The following GPD2 variants were observed in gnomAD, a reference collection of about 807,000 sequenced individuals.
GPD2 encodes glycerol-3-phosphate dehydrogenase 2.
Under a neutral mutation model 82.4 loss-of-function variants are expected in GPD2, and 54 were observed. The ratio of observed to expected loss-of-function variants is 0.66; its 90% CI spans 0.53 to 0.82. The LOEUF is 0.82. GPD2 is among the 40% of genes least tolerant of loss of function. GPD2 has a pLI of 0.00. For missense variants in GPD2, 748 were observed against 896.2 expected, an observed-to-expected ratio of 0.83 and a Z score of 2.11; for synonymous variants, 288 against 306.1, an observed-to-expected ratio of 0.94 and a Z score of 0.62.
chr2:156,499,648 T>TCTTTCAAATAGTAGTGTG (rs1558929777), intron 3 of GPD2, among the ~76,000 whole-genome samples: 9 of 152,018 alleles, frequency 5.9e-5, no homozygotes, highest in African/African-American at 1.9e-4. Context: ...TGCAGTGTGT[T>TCTTTCAAATAGTAGTGTG]TCTTTCAAAT....
At chr2:156,444,744 C>G (rs1407484606) in intron 1 of GPD2, among the ~76,000 whole-genome samples, 1 of 148,572 alleles carries the variant, frequency 6.7e-6, no homozygotes, top group African/African-American at 2.5e-5. Flanking sequence ...CACACACTAA[C>G]ATAATTTTAT....
intron 1 of GPD2, among the ~76,000 whole-genome samples, chr2:156,444,041 G>T (rs1040191476): frequency 2.6e-5 from 4 of 152,180 alleles, no homozygotes; most frequent in African/African-American, 9.7e-5. Context: ...TCACTGTCTG[G>T]ACCTTTCACT....
In GPD2 at chr2:156,519,708, G is replaced by A. The variant is rs530262868; in HGVS notation, c.661+6212G>A. Among the ~76,000 whole-genome samples, 6 of 152,354 alleles carry A rather than the reference G, an allele frequency of 3.9e-5. No homozygotes were observed. In the South Asian group the frequency reaches 1.0e-3, roughly 26 times the overall value. On this transcript the variant is annotated intron_variant, in intron 6 of 16. Transcript: ENST00000438166. ...GATAGGAGAGTTGCCTGGACCCTTC[G>A]TGGGACTTGCGACAGGGGTGTGGCT...
the GPD2 span, among the ~76,000 whole-genome samples, chr2:156,429,932 C>T: frequency 1.2e-4 from 18 of 152,226 alleles, 1 homozygote; most frequent in Middle Eastern, 3.4e-3. Context: ...TTTAGATACT[C>T]TATATTAGTT....
intron 2 of GPD2, among the ~76,000 whole-genome samples, chr2:156,478,871 G>A (rs1318670004): frequency 1.3e-5 from 2 of 152,056 alleles, no homozygotes; most frequent in Non-Finnish European, 2.9e-5. Flanking sequence ...ATAAACTGCC[G>A]TTTATTAAGA....
rs114608907 is a variant in GPD2 at position 156,504,777 on chromosome 2, G to A, written c.275-6019G>A. Reference sequence around the variant, plus strand: ...TTATAGAAAAATATTTATTGACATGGGTAAGTGTTTACAATAAACAGTGTT... The same window carrying A: ...TTATAGAAAAATATTTATTGACATGAGTAAGTGTTTACAATAAACAGTGTT... On this transcript the variant is annotated intron_variant, in intron 3 of 16. Coordinates refer to ENST00000438166, the MANE Select transcript of GPD2 (RefSeq NM_000408.5). Among the ~76,000 whole-genome samples the A allele has an allele frequency of 8.9e-3, 1,348 of 151,302 alleles. 27 individuals are homozygous for A. The highest frequency in any genetic ancestry group is 0.031 in the African/African-American group (1,263 of 41,322).
intron 6 of GPD2, among the ~76,000 whole-genome samples, chr2:156,516,412 G>A (rs374510756): frequency 5.3e-5 from 8 of 152,168 alleles, no homozygotes; most frequent in African/African-American, 9.7e-5. Context: ...AGAAAGTGGC[G>A]TAAGTAATCA....
At chr2:156,562,598 T>C (rs1242462154) in intron 9 of GPD2, among the ~76,000 whole-genome samples, 1 of 152,058 alleles carries the variant, frequency 6.6e-6, no homozygotes, top group Non-Finnish European at 1.5e-5. Context: ...CCAAAACATA[T>C]GCCTAAATAA....
At chr2:156,474,499 A>G (rs945094762) in intron 1 of GPD2, among the ~76,000 whole-genome samples, 67 of 152,188 alleles carry the variant, frequency 4.4e-4, no homozygotes, top group African/African-American at 1.3e-3. Context: ...CCAGTGCTCC[A>G]CCCCTACAAG....
chr2:156,402,574 C>T, the GPD2 span, among the ~76,000 whole-genome samples: 2 of 152,126 alleles, frequency 1.3e-5, no homozygotes, highest in African/African-American at 4.8e-5. Context: ...TCCAGAGGTG[C>T]TTCAGGGCCA....
At chr2:156,500,331 T>C (rs963371810) in intron 3 of GPD2, among the ~76,000 whole-genome samples, 4 of 152,160 alleles carry the variant, frequency 2.6e-5, no homozygotes, top group Non-Finnish European at 4.4e-5. Flanking sequence ...GAAGGTAATC[T>C]ATATTTATCC....
intron 6 of GPD2, among the ~76,000 whole-genome samples, chr2:156,541,471 A>C (rs1179806952): frequency 2.0e-5 from 3 of 152,168 alleles, no homozygotes; most frequent in Non-Finnish European, 2.9e-5. Flanking sequence ...AGTAGTACTT[A>C]GCTTAGTGCC....
intron 8 of GPD2, among the ~76,000 whole-genome samples, chr2:156,551,209 T>A (rs17838577): frequency 1.6e-4 from 3 of 19,178 alleles, no homozygotes; most frequent in South Asian, 1.9e-3. Flanking sequence ...TTAAAAAAAA[T>A]ATTGTAGCAA....
intron 6 of GPD2, among the ~76,000 whole-genome samples, chr2:156,529,176 C>T (rs1685736604): frequency 1.6e-5 from 2 of 128,736 alleles, no homozygotes; most frequent in Non-Finnish European, 3.4e-5. Flanking sequence ...ATTTGCATTT[C>T]TCTGATGGCC....
At position 156,487,346 on chromosome 2, in the gene GPD2, TCTGTGTGACAACTTAA is replaced by T. The variant is rs1352229081; in HGVS notation, c.103-8694_103-8679del. Among the ~76,000 whole-genome samples, 6 of 152,206 alleles carry T rather than the reference TCTGTGTGACAACTTAA, an allele frequency of 3.9e-5. No homozygotes were observed. In the South Asian group the frequency reaches 1.0e-3, roughly 26 times the overall value. ...AAAAAAAAGTGCTATTTCATAGAATTCTGTGTGACAACTTAACTGCCCAATGTGGTTGGCTTTAGGT... is the reference window on the plus strand; with the variant it reads ...AAAAAAAAGTGCTATTTCATAGAATTCTGCCCAATGTGGTTGGCTTTAGGT... On this transcript the variant is annotated intron_variant, in intron 2 of 16. Coordinates refer to ENST00000438166, the MANE Select transcript of GPD2 (RefSeq NM_000408.5).
intron 10 of GPD2, among the ~76,000 whole-genome samples, 199 bp downstream of exon 10, chr2:156,569,158 A>C (rs1416386636): frequency 6.6e-6 from 1 of 151,780 alleles, no homozygotes; most frequent in African/African-American, 2.4e-5. Flanking sequence ...TGTGCTTTAG[A>C]TATAAGTTTG....
intron 13 of GPD2, among the ~76,000 whole-genome samples, chr2:156,577,742 G>C (rs910252523): frequency 1.2e-4 from 19 of 152,250 alleles, no homozygotes; most frequent in Admixed American, 3.3e-4. Context: ...AAATCTCAGT[G>C]GCTCATCGCA....
intron 6 of GPD2, among the ~76,000 whole-genome samples, chr2:156,539,641 A>G (rs1385828061): frequency 1.3e-5 from 2 of 152,206 alleles, no homozygotes; most frequent in Non-Finnish European, 2.9e-5. Flanking sequence ...ACATGGTTCC[A>G]TGTGTTTATT....
intron 3 of GPD2, among the ~76,000 whole-genome samples, chr2:156,509,866 T>G (rs1684929746): frequency 2.0e-5 from 3 of 149,320 alleles, no homozygotes; most frequent in Admixed American, 1.4e-4. Context: ...CTCTGCCTCC[T>G]GGGTTCAAGC....
Sources: allele counts gnomAD v4.1 joint callset (sites outside exome capture counted in the v4.1 genomes callset), GRCh38; gene constraint gnomAD v4.1.1; transcripts MANE v1.5; gene names NCBI Gene and HGNC (gene_info 2026-07-23, HGNC 2026-07-21).